MAPRE2: variants seen among roughly 807,000 people sequenced by gnomAD.
MAPRE2 encodes the protein microtubule associated protein RP/EB family member 2, also known as microtubule-associated protein RP/EB family member 2.
Under a neutral mutation model 43.2 loss-of-function variants are expected in MAPRE2, and 13 were observed. That is an observed-to-expected ratio of 0.30 (90% CI 0.20 to 0.48). The LOEUF (loss-of-function observed/expected upper bound fraction) is 0.48, where lower values mean the gene tolerates loss of function less well. MAPRE2 is among the 20% of genes least tolerant of loss of function. The pLI is 0.99. For synonymous variants in MAPRE2, 135 were observed against 148.8 expected (o/e 0.91, Z 0.68); for missense variants, 161 against 400.2 (o/e 0.40, Z 5.10).
chr18:35,015,058 A>G (rs942740414), intron 2 of MAPRE2, among the ~76,000 whole-genome samples: 3 of 152,160 alleles, frequency 2.0e-5, no homozygotes, highest in Non-Finnish European at 4.4e-5. Flanking sequence ...TCACAGGCCA[A>G]TGCCTAGAAT....
chr18:34,997,712 A>G (rs560533989), intron 1 of MAPRE2, among the ~76,000 whole-genome samples: 42 of 152,298 alleles, frequency 2.8e-4, no homozygotes, highest in African/African-American at 9.6e-4. Flanking sequence ...GCTATTCGGG[A>G]GGCTGAGGCA....
intron 4 of MAPRE2, among the ~76,000 whole-genome samples, chr18:35,115,615 C>T (rs748664805): frequency 2.0e-5 from 3 of 152,038 alleles, no homozygotes; most frequent in African/African-American, 7.3e-5. Context: ...AATGAGAACA[C>T]GCACTATTTG....
At chr18:35,041,260 C>CG, upstream of MAPRE2, 1 of 1,292,684 alleles carries the variant, frequency 7.7e-7, no homozygotes, top group East Asian at 3.3e-5. Flanking sequence ...GGCGTGGTCA[C>CG]GCCGCGACCC....
intron 1 of MAPRE2, among the ~76,000 whole-genome samples, chr18:34,991,740 T>C (rs2097023923): frequency 6.6e-6 from 1 of 152,190 alleles, no homozygotes; most frequent in Non-Finnish European, 1.5e-5. Flanking sequence ...ACCTGGGACC[T>C]TGGGTGGGGT....
Position 35,044,597 on chromosome 18 carries a change from T to C in MAPRE2, c.122+2936T>C, listed in dbSNP as rs76242553. 3.7e-3 allele frequency among the ~76,000 whole-genome samples: 568 copies of C among 152,366 alleles called. 2 individuals carry two copies. The highest frequency in any genetic ancestry group is 0.012 in the African/African-American group (510 of 41,586). Reference sequence around the variant, plus strand: ...TCTAGCCCCCGTTGTTAGAGAGATATTGTGAGGCTAAACTCCATATTTAAA... The same window carrying C: ...TCTAGCCCCCGTTGTTAGAGAGATACTGTGAGGCTAAACTCCATATTTAAA... On this transcript the variant is annotated intron_variant, in intron 1 of 6. Transcript: ENST00000300249.
At chr18:35,093,211 CAAAAAAAAAAAAAA>C (rs56833433) in intron 2 of MAPRE2, among the ~76,000 whole-genome samples, 1 of 52,272 alleles carries the variant, frequency 1.9e-5, no homozygotes, top group African/African-American at 7.7e-5. Flanking sequence ...GACCCTGTCT[CAAAAAAAAAAAAAA>C]AAAAAAAAAA....
chr18:35,135,153 A>G (rs900365934), intron 6 of MAPRE2, among the ~76,000 whole-genome samples: 4 of 152,240 alleles, frequency 2.6e-5, no homozygotes, highest in African/African-American at 9.6e-5. Flanking sequence ...CAAAACTCCA[A>G]AAGAGACACA....
At chr18:34,978,398 G>A (rs2097014336) in intron 1 of MAPRE2, 3 of 896,532 alleles carry the variant, frequency 3.3e-6, no homozygotes, top group Non-Finnish European at 5.4e-6. Flanking sequence ...GCTGCGAGGC[G>A]GAGGTTCGGT....
chr18:35,071,586 T>G (rs1325736290), intron 2 of MAPRE2, among the ~76,000 whole-genome samples: 1 of 152,170 alleles, frequency 6.6e-6, no homozygotes, highest in Non-Finnish European at 1.5e-5. Context: ...TTGTGTGAAA[T>G]TTCATGAGTC....
chr18:35,040,273 A>C (rs1023589750), upstream of MAPRE2, among the ~76,000 whole-genome samples: 3 of 152,212 alleles, frequency 2.0e-5, no homozygotes, highest in African/African-American at 7.2e-5. Context: ...GGGTCTTTTC[A>C]GTTTATAATC....
chr18:35,083,474 T>A (rs1907735260), intron 2 of MAPRE2, among the ~76,000 whole-genome samples: 1 of 152,218 alleles, frequency 6.6e-6, no homozygotes, highest in Non-Finnish European at 1.5e-5. Flanking sequence ...AAATTCTAAC[T>A]TTAGCTCCAC....
intron 1 of MAPRE2, among the ~76,000 whole-genome samples, chr18:35,042,672 TA>T (rs1905427021): frequency 6.6e-6 from 1 of 152,210 alleles, no homozygotes; most frequent in Admixed American, 6.5e-5. Flanking sequence ...TAGTTATTTT[TA>T]AATGTTACCT....
intron 4 of MAPRE2, among the ~76,000 whole-genome samples, chr18:35,115,583 C>T (rs1909376450): frequency 6.6e-6 from 1 of 152,158 alleles, no homozygotes; most frequent in Non-Finnish European, 1.5e-5. Context: ...TTTGCATCCT[C>T]ATAGCTTAGC....
intron 1 of MAPRE2, among the ~76,000 whole-genome samples, chr18:34,999,938 T>A (rs1358506392): frequency 6.6e-6 from 1 of 151,668 alleles, no homozygotes; most frequent in Non-Finnish European, 1.5e-5. Context: ...CCAAGACCAT[T>A]AATTGAGGCA....
At chr18:34,996,593 A>C (rs530208717) in intron 1 of MAPRE2, among the ~76,000 whole-genome samples, 1 of 152,184 alleles carries the variant, frequency 6.6e-6, no homozygotes, top group Non-Finnish European at 1.5e-5. Context: ...TACAACAAAC[A>C]TGGGTTGGAA....
At chr18:35,072,261 A>G (rs192418103) in intron 2 of MAPRE2, among the ~76,000 whole-genome samples, 4 of 152,344 alleles carry the variant, frequency 2.6e-5, no homozygotes, top group East Asian at 3.9e-4. Context: ...GAAATTGTCT[A>G]TTTCTTCACA....
At chr18:35,122,087 C>T (rs1052493260) in intron 4 of MAPRE2, among the ~76,000 whole-genome samples, 1 of 152,072 alleles carries the variant, frequency 6.6e-6, no homozygotes, top group African/African-American at 2.4e-5. Context: ...AAGAGTTATG[C>T]TGTATGTTAG....
intron 2 of MAPRE2, among the ~76,000 whole-genome samples, chr18:35,081,406 C>G (rs1907623982): frequency 6.6e-6 from 1 of 152,190 alleles, no homozygotes; most frequent in South Asian, 2.1e-4. Context: ...CTGTTAGTAT[C>G]ACAGTCTGCA....
At chr18:35,074,273 AG>A (rs796133806) in intron 2 of MAPRE2, among the ~76,000 whole-genome samples, 10 of 152,014 alleles carry the variant, frequency 6.6e-5, no homozygotes, top group African/African-American at 2.4e-4. Flanking sequence ...CAGCTTGGGC[AG>A]GGGGGTGATA....
Sources: allele counts gnomAD v4.1 joint callset (sites outside exome capture counted in the v4.1 genomes callset), GRCh38; gene constraint gnomAD v4.1.1; transcripts MANE v1.5; gene names NCBI Gene and HGNC (gene_info 2026-07-23, HGNC 2026-07-21).